MVB12B: variants seen among roughly 807,000 people sequenced by gnomAD.
MVB12B encodes multivesicular body subunit 12B.
A neutral mutation model predicts 41.6 loss-of-function variants in MVB12B; 16 were observed. The observed-to-expected ratio is 0.38, with a 90% CI of 0.26 to 0.58. The LOEUF is 0.58. Ranked by LOEUF, MVB12B falls within the 20% of genes least tolerant of loss-of-function variation. The pLI is 0.62. For missense variants in MVB12B, 274 were observed against 380.2 expected, an observed-to-expected ratio of 0.72 and a Z score of 2.32; for synonymous variants, 133 against 139.7, an observed-to-expected ratio of 0.95 and a Z score of 0.34.
chr9:126,414,672 CA>C (rs1831757097), intron 6 of MVB12B, among the ~76,000 whole-genome samples: 1 of 152,076 alleles, frequency 6.6e-6, no homozygotes, highest in Non-Finnish European at 1.5e-5. Flanking sequence ...TCCTTCTCCT[CA>C]GTCTGCTGGG....
At chr9:126,398,775 C>G (rs7024497) in intron 6 of MVB12B, among the ~76,000 whole-genome samples, 48,639 of 152,224 alleles carry the variant, frequency 0.32, 8,063 homozygotes, top group African/African-American at 0.43. Flanking sequence ...ACCTAGGAAG[C>G]GGTGGGTCAC....
chr9:126,500,582 G>C (rs115229187), intron 9 of MVB12B, among the ~76,000 whole-genome samples: 126 of 152,332 alleles, frequency 8.3e-4, no homozygotes, highest in African/African-American at 3.0e-3. Flanking sequence ...CCTGGCCCCA[G>C]ACCTACCCAG....
intron 6 of MVB12B, among the ~76,000 whole-genome samples, chr9:126,402,458 CA>C (rs1319923921): frequency 6.6e-6 from 1 of 151,776 alleles, no homozygotes; most frequent in Non-Finnish European, 1.5e-5. Flanking sequence ...TGCAACATGG[CA>C]AAACCCCGTC....
At chr9:126,461,021 G>C (rs774107145) in intron 7 of MVB12B, among the ~76,000 whole-genome samples, 2 of 152,228 alleles carry the variant, frequency 1.3e-5, no homozygotes, top group Admixed American at 6.5e-5. Flanking sequence ...TGACTGTTAT[G>C]AGGTCTGGGG....
At position 126,393,769 on chromosome 9, in the gene MVB12B, G is replaced by A. The variant is rs144482615; in HGVS notation, c.539+1574G>A. On this transcript the variant is annotated intron_variant, in intron 5 of 9. Transcript: ENST00000361171. ...GTTTACAGCCCCCTCAGCCATGTGC[G>A]TCTTCCCTGGCCAGGGCTGGCAGGG... Among the ~76,000 whole-genome samples, 58 of 152,344 alleles carry A rather than the reference G, an allele frequency of 3.8e-4. No individual in the cohort carries two copies. In the East Asian group the frequency reaches 0.01, roughly 26 times the overall value.
chr9:126,352,048 A>G (rs376896332), intron 2 of MVB12B, among the ~76,000 whole-genome samples: 21 of 152,174 alleles, frequency 1.4e-4, no homozygotes, highest in African/African-American at 4.8e-4. Context: ...AATAAATTTC[A>G]CTTGGTCATG....
rs73595643 is a variant in MVB12B at position 126,397,394 on chromosome 9, G to C, written c.662+1697G>C. The C allele has an allele frequency of 9.6e-4, 949 of 985,412 alleles. 5 individuals carry two copies. In the African/African-American group the frequency reaches 0.015, roughly 15 times the overall value. 61.0% of individuals were successfully genotyped at this position (985,412 alleles called of 1,614,324 possible). A position where few individuals can be genotyped will look rare whatever the true frequency, so the allele number is the denominator to read the frequency against. ...CACCGGCAGCCTGGTGGGTTTGGAG[G>C]GTAGTGCGTCAGAACCAGATGTTTA... On this transcript the variant is annotated intron_variant, in intron 6 of 9. Transcript: ENST00000361171.
rs546950898 is a variant in MVB12B, at chr9:126,359,464, A to G, written c.204+18834A>G. On this transcript the variant is annotated intron_variant, in intron 2 of 9. Transcript: ENST00000361171. ...TTCTTGCCTGTTTTCTGAAATATTTAATGTTTATTTGGTATTATTTATTCT... is the reference window on the plus strand; with the variant it reads ...TTCTTGCCTGTTTTCTGAAATATTTGATGTTTATTTGGTATTATTTATTCT... Among the ~76,000 whole-genome samples the G allele has an allele frequency of 5.4e-4, 82 of 152,246 alleles. 3 individuals carry two copies. In the South Asian group the frequency reaches 0.016, roughly 30 times the overall value.
Position 126,423,395 on chromosome 9 carries a change from G to A in MVB12B, c.757+1447G>A, listed in dbSNP as rs528579866. Reference sequence around the variant, plus strand: ...GAACACTGCTGTCTGCCTCTGGACCGCTGCTTCCTCGCCCCGCAGCTTTGA... The same window carrying A: ...GAACACTGCTGTCTGCCTCTGGACCACTGCTTCCTCGCCCCGCAGCTTTGA... On this transcript the variant is annotated intron_variant, in intron 7 of 9. Transcript: ENST00000361171. Among the ~76,000 whole-genome samples the A allele has an allele frequency of 2.4e-4, 36 of 152,332 alleles. 1 individual carries two copies. The highest frequency in any genetic ancestry group is 1.5e-3 in the East Asian group (8 of 5,188).
rs1548789 is a variant in MVB12B, at chr9:126,412,607, A to T, written c.663-9247A>T. Among the ~76,000 whole-genome samples, 291 of 152,296 alleles carry T rather than the reference A, an allele frequency of 1.9e-3. 1 individual carries two copies. The highest frequency in any genetic ancestry group is 6.6e-3 in the African/African-American group (275 of 41,558). ...CCATCTTTTTTTCTGATTAAAAGAA[A>T]TAATTTCTCATCCAAAAAAATTAAC... On this transcript the variant is annotated intron_variant, in intron 6 of 9. Transcript: ENST00000361171.
chr9:126,327,374 C>T (rs970777844), intron 1 of MVB12B: 4 of 968,446 alleles, frequency 4.1e-6, no homozygotes, highest in Non-Finnish European at 4.9e-6. Flanking sequence ...AACAGTCAAT[C>T]GTTTGACCGG....
rs557180768 is a variant in MVB12B, at chr9:126,436,436, T to C, written c.757+14488T>C. On this transcript the variant is annotated intron_variant, in intron 7 of 9. Transcript: ENST00000361171. This position sits in a 1 kb window ranked among gnomAD's most constrained non-coding sequence, Gnocchi z 4.1. The stretch of plus-strand genomic sequence containing the variant: ...TGTAGCCCTCGCAGTGGGTGGAGTT[T>C]CAAAGTCAATTACTGCTTGTCCTAT... Among the ~76,000 whole-genome samples the C allele has an allele frequency of 6.6e-6, 1 of 152,376 alleles. No homozygotes were observed. The highest frequency in any genetic ancestry group is 2.1e-4 in the South Asian group (1 of 4,832).
chr9:126,342,639 T>C (rs1243008969), intron 2 of MVB12B, among the ~76,000 whole-genome samples: 1 of 152,150 alleles, frequency 6.6e-6, no homozygotes, highest in African/African-American at 2.4e-5. Context: ...CTGGGCTCCC[T>C]CTGAAAGCCC....
chr9:126,422,215 G>A (rs1832042560), intron 7 of MVB12B, among the ~76,000 whole-genome samples: 1 of 152,148 alleles, frequency 6.6e-6, no homozygotes, highest in African/African-American at 2.4e-5. Context: ...GGTTTCCAGA[G>A]AATACTCGCC....
chr9:126,408,723 G>T (rs192861914), intron 6 of MVB12B, among the ~76,000 whole-genome samples: 2 of 151,978 alleles, frequency 1.3e-5, no homozygotes, highest in Non-Finnish European at 2.9e-5. Context: ...TGAGTCCTTC[G>T]GGGAGATTAT....
Position 126,376,633 on chromosome 9 carries a change from G to A in MVB12B, c.205-4431G>A, listed in dbSNP as rs1289584558. The A allele has an allele frequency of 5.4e-6, 7 of 1,289,154 alleles. No homozygotes were observed. Among genetic ancestry groups the A allele is most frequent in the Non-Finnish European group, 7.1e-6 (7 of 988,766 alleles). The allele number at this position is 1,289,154 out of a possible 1,614,324, so 79.9% of individuals were successfully genotyped here. On this transcript the variant is annotated intron_variant, in intron 2 of 9. Transcript: ENST00000361171. This position sits in a 1 kb window ranked among gnomAD's most constrained non-coding sequence, Gnocchi z 4.1. Reference sequence around the variant, plus strand: ...CGGCTGGAAGCAAGAAGGAGGGTAAGCGCGGGTGGCAGGGAGGGGCCTGCC... The same window carrying A: ...CGGCTGGAAGCAAGAAGGAGGGTAAACGCGGGTGGCAGGGAGGGGCCTGCC...
Position 126,468,404 on chromosome 9 carries a change from C to T in MVB12B, c.758-12965C>T, listed in dbSNP as rs1331227345. 6.6e-6 allele frequency among the ~76,000 whole-genome samples: 1 copy of T among 152,218 alleles called. No homozygotes were observed. Among genetic ancestry groups the T allele is most frequent in the Admixed American group, 6.5e-5 (1 of 15,282 alleles). On this transcript the variant is annotated intron_variant, in intron 7 of 9. Coordinates refer to ENST00000361171, the MANE Select transcript of MVB12B (RefSeq NM_033446.3). This position sits in a 1 kb window ranked among gnomAD's most constrained non-coding sequence, Gnocchi z 4.3. ...AAGCCCCTCAAACCAGACACATGCT[C>T]AGCGGGACCCACGAGTTCATCTCTG...
intron 8 of MVB12B, 91 bp downstream of exon 8, chr9:126,481,515 G>T: frequency 1.0e-6 from 1 of 955,548 alleles, no homozygotes; most frequent in East Asian, 2.4e-5. Flanking sequence ...GGGCTGTTCT[G>T]GCAGTACTCA....
chr9:126,472,101 G>C lies in MVB12B; in HGVS notation c.758-9268G>C, dbSNP rs34455300. ...CTGCTGTGTATTGAGACGTTGGGGA[G>C]GGATAAGGGTTGGCGGCTCTGAGCA... On this transcript the variant is annotated intron_variant, in intron 7 of 9. Transcript: ENST00000361171. Among the ~76,000 whole-genome samples the C allele has an allele frequency of 7.8e-3, 1,190 of 152,184 alleles. 10 individuals are homozygous for C. The highest frequency in any genetic ancestry group is 0.029 in the South Asian group (140 of 4,804).
Sources: gnomAD v4.1 joint callset for allele counts (sites outside exome capture counted in the v4.1 genomes callset) on GRCh38, gnomAD v4.1.1 for gene constraint, Gnocchi (gnomAD v3.1) non-coding constraint, MANE v1.5 for transcripts, NCBI Gene and HGNC (gene_info 2026-07-23, HGNC 2026-07-21) for gene names.